The following SPINK5 variants were observed in gnomAD, a reference collection of about 807,000 sequenced individuals.
SPINK5 encodes the protein serine peptidase inhibitor Kazal type 5, also known as serine protease inhibitor Kazal-type 5.
SPINK5 carries 125 observed loss-of-function variants against 151.8 expected under a neutral mutation model. The observed-to-expected ratio is 0.82, with a 90% CI of 0.71 to 0.96. The LOEUF is 0.96. Ranked by LOEUF, SPINK5 falls within the 40% of genes least tolerant of loss-of-function variation. The pLI is 0.00. For missense variants in SPINK5, 1,194 were observed against 1,291.9 expected (o/e 0.92, Z 1.16); for synonymous variants, 374 against 395.3 (o/e 0.95, Z 0.64).
Position 148,118,481 on chromosome 5 carries a change from C to G in SPINK5, c.2157C>G (p.Leu719=), listed in dbSNP as rs766371068. The G allele has an allele frequency of 1.2e-6, 2 of 1,614,020 alleles. No individual in the cohort carries two copies. Among genetic ancestry groups the G allele is most frequent in the East Asian group, 4.5e-5 (2 of 44,882 alleles). Residue 719 remains leucine (L), a synonymous_variant, in exon 23 of 33, where the codon CTC becomes CTG. Transcript: ENST00000256084. ...EYREQMKNGR[L]SCTRESDPVR... ...GGGAACAAATGAAAAATGGAAGACT[C>G]AGCTGTACTCGGGAGAGTGATCCTG...
At chr5:148,105,122 C>A in intron 16 of SPINK5, 122 bp downstream of exon 16, 1 of 1,093,350 alleles carries the variant, frequency 9.1e-7, no homozygotes, top group Non-Finnish European at 1.3e-6. Context: ...AAATGAAGAA[C>A]ATTTTTAACC....
chr5:148,118,191 G>T (rs912591242), intron 22 of SPINK5, among the ~76,000 whole-genome samples: 20 of 152,074 alleles, frequency 1.3e-4, no homozygotes, highest in Admixed American at 2.6e-4. Context: ...GCTAATTTTT[G>T]TATTTTTAGT....
chr5:148,064,611 GA>G (rs1275389119), intron 1 of SPINK5, among the ~76,000 whole-genome samples: 1 of 152,132 alleles, frequency 6.6e-6, no homozygotes, highest in Non-Finnish European at 1.5e-5. Context: ...CCCAAAGAGT[GA>G]GGGACTTTTG....
rs1007979 is a variant in SPINK5 at position 148,065,561 on chromosome 5, A to G, written c.81+189A>G. Reference sequence around the variant, plus strand: ...GCCTCTCTCTCACACACACACACACACACACACACACTCAACATATTAATG... The same window carrying G: ...GCCTCTCTCTCACACACACACACACGCACACACACACTCAACATATTAATG... On this transcript the variant is annotated intron_variant, in intron 2 of 32. Transcript: ENST00000256084. 421,627 of 619,648 alleles carry G rather than the reference A, an allele frequency of 0.68. 146,392 individuals are homozygous for G. Among genetic ancestry groups the G allele is most frequent in the East Asian group, 0.91 (31,971 of 35,288 alleles). 38.4% of individuals were successfully genotyped at this position (619,648 alleles called of 1,614,324 possible).
chr5:148,066,285 A>G (rs1752582921), intron 2 of SPINK5, among the ~76,000 whole-genome samples: 1 of 152,150 alleles, frequency 6.6e-6, no homozygotes, highest in South Asian at 2.1e-4. Context: ...GAAAGATAGG[A>G]TGACCAATTA....
At chr5:148,081,223 T>A (rs1251916054) in intron 4 of SPINK5, among the ~76,000 whole-genome samples, 2 of 151,636 alleles carry the variant, frequency 1.3e-5, no homozygotes, top group Non-Finnish European at 3.0e-5. Flanking sequence ...CTTCTTAAAA[T>A]TTTAAACAGA....
chr5:148,089,022 TG>T (rs1454248477), intron 6 of SPINK5: 1 of 461,302 alleles, frequency 2.2e-6, no homozygotes, highest in African/African-American at 2.0e-5. Flanking sequence ...GATACAGTTT[TG>T]TGAGCCTGTG....
At chr5:148,111,639 A>G in intron 18 of SPINK5, 129 bp from the exon 19 acceptor site, 3 of 1,374,252 alleles carry the variant, frequency 2.2e-6, no homozygotes, top group Non-Finnish European at 3.0e-6. Flanking sequence ...CATTTTGGTT[A>G]CTATCAACCT....
rs1176923058 is a variant in SPINK5, at chr5:148,131,256, C to T, written c.2965-3C>T. 1.9e-6 allele frequency: 3 copies of T among 1,613,508 alleles called. No individual in the cohort carries two copies. Among genetic ancestry groups the T allele is most frequent in the Non-Finnish European group, 2.5e-6 (3 of 1,179,634 alleles). Reference sequence around the variant, plus strand: ...ACGTCTGCTTTATTTTTTGCTTCTTCAGGATTCTGAGATGTGCAAAGACTA... The same window carrying T: ...ACGTCTGCTTTATTTTTTGCTTCTTTAGGATTCTGAGATGTGCAAAGACTA... On this transcript the variant is annotated splice_region_variant and splice_polypyrimidine_tract_variant and intron_variant, in intron 30 of 32. Coordinates refer to ENST00000256084, the MANE Select transcript of SPINK5 (RefSeq NM_006846.4).
intron 30 of SPINK5, 74 bp downstream of exon 30, chr5:148,127,153 C>T: frequency 2.2e-6 from 3 of 1,333,700 alleles, no homozygotes; most frequent in Non-Finnish European, 1.1e-6. Flanking sequence ...TTGCTATTTG[C>T]TATTTTCATA....
chr5:148,066,886 G>A (rs1752600852), intron 2 of SPINK5, among the ~76,000 whole-genome samples: 1 of 152,082 alleles, frequency 6.6e-6, no homozygotes. Flanking sequence ...GGTATTAAAG[G>A]CAAGAACACA....
At chr5:148,070,479 A>G in intron 3 of SPINK5, 29 bp downstream of exon 3, 1 of 1,610,838 alleles carries the variant, frequency 6.2e-7, no homozygotes, top group Non-Finnish European at 8.5e-7. Flanking sequence ...CTTTCTTTCC[A>G]ATGTTTGAGT....
At position 148,091,140 on chromosome 5, in the gene SPINK5, A is replaced by AC. The variant is rs550292282; in HGVS notation, c.603-23dup. On this transcript the variant is annotated intron_variant, in intron 7 of 32. Coordinates refer to ENST00000256084, the MANE Select transcript of SPINK5 (RefSeq NM_006846.4). The stretch of plus-strand genomic sequence containing the variant: ...GAAAATATGATTGAGTCATAAACTG[A>AC]CCAACTGTTTACTTTTCTTAACAGT... 384 of 1,599,114 alleles carry AC rather than the reference A, an allele frequency of 2.4e-4. 2 individuals carry two copies. The African/African-American group carries it at 4.6e-3, about 19-fold the overall frequency.
At chr5:148,123,414 T>TAGATAGATATTATCTATCTATCTATA (rs751370176) in intron 26 of SPINK5, among the ~76,000 whole-genome samples, 1 of 134,954 alleles carries the variant, frequency 7.4e-6, no homozygotes, top group African/African-American at 2.9e-5. Flanking sequence ...ATATAATATA[T>TAGATAGATATTATCTATCTATCTATA]TATATATATA....
intron 4 of SPINK5, 44 bp from the exon 5 acceptor site, chr5:148,086,361 T>C: frequency 6.2e-7 from 1 of 1,603,010 alleles, no homozygotes; most frequent in South Asian, 1.1e-5. Context: ...TAAGGACTAT[T>C]TTGTTTCTTA....
intron 4 of SPINK5, among the ~76,000 whole-genome samples, chr5:148,083,701 T>C (rs1219236065): frequency 4.8e-5 from 7 of 147,106 alleles, no homozygotes; most frequent in African/African-American, 1.4e-4. Context: ...AAAATTCTTA[T>C]TGCTTTTCTC....
intron 9 of SPINK5, among the ~76,000 whole-genome samples, 190 bp downstream of exon 9, chr5:148,094,671 A>T (rs577856094): frequency 6.6e-6 from 1 of 152,068 alleles, no homozygotes; most frequent in Admixed American, 6.6e-5. Flanking sequence ...TTCTGAAGAG[A>T]AATGGATTCC....
chr5:148,126,564 G>T (rs1754435520), intron 29 of SPINK5, among the ~76,000 whole-genome samples: 1 of 148,888 alleles, frequency 6.7e-6, no homozygotes, highest in African/African-American at 2.5e-5. Flanking sequence ...AATGTTCTGT[G>T]ATTCTGTTTT....
chr5:148,091,341 A>G, intron 8 of SPINK5, 113 bp downstream of exon 8: 1 of 829,332 alleles, frequency 1.2e-6, no homozygotes, highest in Non-Finnish European at 1.9e-6. Context: ...TTATATAGAT[A>G]TTTTTCTTAA....
Sources: allele counts gnomAD v4.1 joint callset (sites outside exome capture counted in the v4.1 genomes callset), GRCh38; gene constraint gnomAD v4.1.1; transcripts MANE v1.5; gene names NCBI Gene and HGNC (gene_info 2026-07-23, HGNC 2026-07-21).